STXBP5: variants seen among roughly 807,000 people sequenced by gnomAD.
STXBP5 encodes syntaxin binding protein 5.
Under a neutral mutation model 152.4 loss-of-function variants are expected in STXBP5, and 50 were observed. The ratio of observed to expected loss-of-function variants is 0.33; its 90% confidence interval spans 0.26 to 0.42. The LOEUF (loss-of-function observed/expected upper bound fraction) is 0.42. STXBP5 is among the 10% of genes least tolerant of loss of function. The pLI is 1.00. For missense variants in STXBP5, 1,167 were observed against 1,388.6 expected, an observed-to-expected ratio of 0.84 and a Z score of 2.54; for synonymous variants, 492 against 494.7, an observed-to-expected ratio of 0.99 and a Z score of 0.07.
chr6:147,288,082 CG>C (rs1385780654), intron 8 of STXBP5, among the ~76,000 whole-genome samples: 1 of 152,042 alleles, frequency 6.6e-6, no homozygotes, highest in Admixed American at 6.5e-5. Flanking sequence ...GTCTAGTTCT[CG>C]GAGCTTTTCT....
At chr6:147,335,543 T>A (rs954203782) in intron 19 of STXBP5, among the ~76,000 whole-genome samples, 1 of 152,194 alleles carries the variant, frequency 6.6e-6, no homozygotes, top group African/African-American at 2.4e-5. Context: ...TAGTATTCCT[T>A]TTTATCCTGG....
chr6:147,239,786 A>G (rs1487259930), intron 4 of STXBP5, among the ~76,000 whole-genome samples: 3 of 152,192 alleles, frequency 2.0e-5, no homozygotes, highest in Non-Finnish European at 2.9e-5. Context: ...GTCTTTGTCT[A>G]CATATACAAG....
intron 16 of STXBP5, among the ~76,000 whole-genome samples, chr6:147,318,441 A>G (rs746058256): frequency 3.0e-4 from 45 of 152,186 alleles, no homozygotes; most frequent in Non-Finnish European, 5.4e-4. Context: ...GCAGAGTACA[A>G]CAGTACCCAA....
chr6:147,262,505 G>C (rs1779691169), intron 6 of STXBP5, 152 bp downstream of exon 6: 5 of 443,778 alleles, frequency 1.1e-5, no homozygotes, highest in African/African-American at 2.1e-5. Flanking sequence ...TAATTATTAA[G>C]AACAAATGAA....
At chr6:147,250,807 C>G (rs977250712) in intron 4 of STXBP5, among the ~76,000 whole-genome samples, 5 of 151,748 alleles carry the variant, frequency 3.3e-5, no homozygotes, top group Non-Finnish European at 4.4e-5. Flanking sequence ...GTTCTTCTCC[C>G]TACTTTATTT....
chr6:147,231,278 T>A (rs961452336), intron 2 of STXBP5, among the ~76,000 whole-genome samples: 4 of 151,842 alleles, frequency 2.6e-5, no homozygotes, highest in African/African-American at 9.7e-5. Flanking sequence ...GTTCAAAGAC[T>A]GTGCTCCTGA....
At chr6:147,350,018 A>T (rs1369247893) in intron 21 of STXBP5, among the ~76,000 whole-genome samples, 1 of 152,188 alleles carries the variant, frequency 6.6e-6, no homozygotes, top group African/African-American at 2.4e-5. Flanking sequence ...GGTTGCGGAT[A>T]TCCACTTGCA....
chr6:147,276,451 C>A (rs1780446653), intron 7 of STXBP5, among the ~76,000 whole-genome samples: 1 of 152,086 alleles, frequency 6.6e-6, no homozygotes, highest in South Asian at 2.1e-4. Flanking sequence ...CACTTTTAAA[C>A]AAAGATACAC....
At chr6:147,379,400 G>A (rs969588915) in intron 26 of STXBP5, among the ~76,000 whole-genome samples, 1 of 152,104 alleles carries the variant, frequency 6.6e-6, no homozygotes, top group Admixed American at 6.6e-5. Context: ...AGAAAAATTT[G>A]TTGAGAGAAG....
chr6:147,293,420 C>G (rs1781374717), intron 9 of STXBP5: 1 of 152,192 alleles, frequency 6.6e-6, no homozygotes, highest in African/African-American at 2.4e-5. Flanking sequence ...TAGCTTTCCA[C>G]ATTATACTAT....
chr6:147,360,397 C>G (rs973909494), intron 23 of STXBP5, among the ~76,000 whole-genome samples: 1 of 152,188 alleles, frequency 6.6e-6, no homozygotes, highest in Non-Finnish European at 1.5e-5. Context: ...GGAACCAACA[C>G]AAATGGCCTT....
rs764292583 is a variant in STXBP5, at chr6:147,364,022, G to A, written c.2937G>A (p.Leu979=). 1.2e-6 allele frequency: 2 copies of A among 1,613,778 alleles called. No individual in the cohort carries two copies. The highest frequency in any genetic ancestry group is 8.5e-7 in the Non-Finnish European group (1 of 1,179,936). The change falls in exon 25 of 28, where the codon CTG becomes CTA. Residue 979 remains leucine (L), a synonymous_variant. Transcript: ENST00000321680. ...MTFSLPSLRP[L]LDVYYLPLTN... ...CAAGTTTGCCAAGTTTAAGACCTCT[G>A]TTGGATGTGTATTACTTGCCCCTTA...
Position 147,357,821 on chromosome 6 carries a change from C to T in STXBP5, c.2306-1263C>T, listed in dbSNP as rs375095326. On this transcript the variant is annotated intron_variant, in intron 22 of 27. Transcript: ENST00000321680. Reference sequence around the variant, plus strand: ...GAAGTGTCATTAATATAAATAGTGCCATTCGAAGAATTTACTGGTTTGGGG... The same window carrying T: ...GAAGTGTCATTAATATAAATAGTGCTATTCGAAGAATTTACTGGTTTGGGG... Among the ~76,000 whole-genome samples, 38 of 152,138 alleles carry T rather than the reference C, an allele frequency of 2.5e-4. No individual in the cohort carries two copies. In the East Asian group the frequency reaches 2.9e-3, roughly 12 times the overall value.
At chr6:147,233,741 G>A (rs577066887) in intron 2 of STXBP5, among the ~76,000 whole-genome samples, 5 of 151,436 alleles carry the variant, frequency 3.3e-5, no homozygotes, top group African/African-American at 1.2e-4. Context: ...GGCCTATCAC[G>A]GTGTGATTTG....
At chr6:147,353,164 T>C (rs1784665278) in intron 21 of STXBP5, among the ~76,000 whole-genome samples, 159 bp from the exon 22 acceptor site, 3 of 152,128 alleles carry the variant, frequency 2.0e-5, no homozygotes, top group Non-Finnish European at 2.9e-5. Context: ...AAATAAAAAG[T>C]TGAAAGGATT....
intron 9 of STXBP5, among the ~76,000 whole-genome samples, chr6:147,301,709 T>C (rs537708243): frequency 6.6e-6 from 1 of 152,326 alleles, no homozygotes; most frequent in African/African-American, 2.4e-5. Flanking sequence ...ACTTTCTTGT[T>C]TTTAAGATAA....
intron 2 of STXBP5, among the ~76,000 whole-genome samples, chr6:147,206,406 GAGGT>G (rs1184973983): frequency 2.6e-5 from 4 of 152,198 alleles, no homozygotes; most frequent in South Asian, 2.1e-4. Context: ...TGTTAAGGAT[GAGGT>G]TTAAAGACAA....
intron 18 of STXBP5, among the ~76,000 whole-genome samples, chr6:147,329,617 C>CTTTTTTTTTTTTTTT: frequency 1.4e-5 from 1 of 71,706 alleles, no homozygotes; most frequent in African/African-American, 5.6e-5. Context: ...GTTCTTCAGG[C>CTTTTTTTTTTTTTTT]TTTTTTTTTT....
intron 19 of STXBP5, among the ~76,000 whole-genome samples, chr6:147,335,927 G>GT (rs1215191441): frequency 6.6e-6 from 1 of 152,228 alleles, no homozygotes; most frequent in East Asian, 1.9e-4. Context: ...GAAAAGGAAA[G>GT]TAATAGAGAA....
Sources: allele counts gnomAD v4.1 joint callset (sites outside exome capture counted in the v4.1 genomes callset), GRCh38; gene constraint gnomAD v4.1.1; transcripts MANE v1.5; gene names NCBI Gene and HGNC (gene_info 2026-07-23, HGNC 2026-07-21).